The following BCKDHB variants were observed in gnomAD, a reference collection of about 807,000 sequenced individuals.
The protein encoded by BCKDHB is 2-oxoisovalerate dehydrogenase subunit beta, mitochondrial.
Under a neutral mutation model 48.5 loss-of-function variants are expected in BCKDHB, and 41 were observed. The observed-to-expected ratio is 0.85, with a 90% CI of 0.66 to 1.10. The LOEUF is 1.10. Ranked by LOEUF, BCKDHB falls within the 50% of genes least tolerant of loss-of-function variation. The pLI, the probability that BCKDHB is intolerant of heterozygous loss-of-function variation, is 0.00. For missense variants in BCKDHB, 496 were observed against 494.2 expected (o/e 1.00, Z -0.03); for synonymous variants, 201 against 174.8 (o/e 1.15, Z -1.18).
At chr6:80,361,932 G>C in the BCKDHB span, among the ~76,000 whole-genome samples, 1 of 152,114 alleles carries the variant, frequency 6.6e-6, no homozygotes, top group Non-Finnish European at 1.5e-5. Flanking sequence ...AGAGAGTAAA[G>C]TCCACATTTT....
intron 7 of BCKDHB, 93 bp downstream of exon 7, chr6:80,201,124 T>C: frequency 9.5e-7 from 1 of 1,057,716 alleles, no homozygotes; most frequent in Non-Finnish European, 1.5e-6. Flanking sequence ...AAACGATGTT[T>C]TCTTTATATC....
At chr6:80,313,918 TTCC>T (rs1768301417) in intron 9 of BCKDHB, among the ~76,000 whole-genome samples, 3 of 152,290 alleles carry the variant, frequency 2.0e-5, no homozygotes, top group Admixed American at 2.0e-4. Context: ...TGCTATAAAT[TTCC>T]TCCTCAACAC....
At chr6:80,444,543 A>T in the BCKDHB span, among the ~76,000 whole-genome samples, 1 of 152,176 alleles carries the variant, frequency 6.6e-6, no homozygotes, top group African/African-American at 2.4e-5. Flanking sequence ...AGTATTTTCT[A>T]ATAACTCATC....
chr6:80,220,639 T>C (rs1376720599), intron 8 of BCKDHB, among the ~76,000 whole-genome samples: 1 of 151,964 alleles, frequency 6.6e-6, no homozygotes, highest in Non-Finnish European at 1.5e-5. Context: ...TGGGATACTC[T>C]TGATTCTTGG....
intron 8 of BCKDHB, among the ~76,000 whole-genome samples, chr6:80,258,850 C>G (rs1737507059): frequency 3.3e-5 from 5 of 152,142 alleles, no homozygotes; most frequent in African/African-American, 9.6e-5. Flanking sequence ...CACCTTTACA[C>G]TATAACTCTT....
At chr6:80,378,379 C>T in the BCKDHB span, among the ~76,000 whole-genome samples, 13 of 152,084 alleles carry the variant, frequency 8.5e-5, no homozygotes, top group African/African-American at 3.1e-4. Context: ...TAATGGCCTC[C>T]AGCTCCATCT....
chr6:80,375,592 C>A, the BCKDHB span, among the ~76,000 whole-genome samples: 3 of 151,384 alleles, frequency 2.0e-5, no homozygotes, highest in Admixed American at 6.6e-5. Context: ...TTGGACTTAC[C>A]TTTTCTCTGG....
intron 8 of BCKDHB, among the ~76,000 whole-genome samples, chr6:80,205,904 G>A (rs775301738): frequency 6.6e-6 from 1 of 150,892 alleles, no homozygotes; most frequent in Non-Finnish European, 1.5e-5. Context: ...TGTTGACACC[G>A]ATGACCTATA....
chr6:80,107,526 T>TGCAC (rs1402499409), intron 1 of BCKDHB, among the ~76,000 whole-genome samples: 98 of 134,614 alleles, frequency 7.3e-4, no homozygotes, highest in Non-Finnish European at 8.9e-4. Flanking sequence ...TATATATATA[T>TGCAC]ATGCATATAT....
Position 80,149,103 on chromosome 6 carries a change from A to T in BCKDHB, c.344-18575A>T, listed in dbSNP as rs566375619. On this transcript the variant is annotated intron_variant, in intron 3 of 9. Transcript: ENST00000320393. Reference sequence around the variant, plus strand: ...AAGGGCTAATATCCAGAATCTACAAAGAACTCAAACAAATTTACAAGAAAA... The same window carrying T: ...AAGGGCTAATATCCAGAATCTACAATGAACTCAAACAAATTTACAAGAAAA... Among the ~76,000 whole-genome samples, 1,299 of 152,250 alleles carry T rather than the reference A, an allele frequency of 8.5e-3. 8 individuals carry two copies. The highest frequency in any genetic ancestry group is 0.014 in the Non-Finnish European group (963 of 68,006).
the BCKDHB span, among the ~76,000 whole-genome samples, chr6:80,351,978 C>G: frequency 6.6e-6 from 1 of 151,880 alleles, no homozygotes; most frequent in African/African-American, 2.4e-5. Context: ...TGTGCCACCA[C>G]GCCCGACTAA....
intron 9 of BCKDHB, among the ~76,000 whole-genome samples, chr6:80,301,146 A>G (rs1582532671): frequency 6.6e-6 from 1 of 152,078 alleles, no homozygotes; most frequent in South Asian, 2.1e-4. Flanking sequence ...GGAAAAAAAA[A>G]GAACAACCCT....
chr6:80,437,710 T>A, the BCKDHB span, among the ~76,000 whole-genome samples: 1 of 152,238 alleles, frequency 6.6e-6, no homozygotes, highest in East Asian at 1.9e-4. Flanking sequence ...TTTCAGATGA[T>A]AAATCCCACA....
intron 3 of BCKDHB, among the ~76,000 whole-genome samples, chr6:80,159,334 CAG>C (rs1772204780): frequency 1.3e-5 from 2 of 151,994 alleles, no homozygotes; most frequent in South Asian, 4.1e-4. Context: ...TCAACTAGTA[CAG>C]AGACTAGATT....
intron 8 of BCKDHB, among the ~76,000 whole-genome samples, chr6:80,261,626 C>G (rs1377270031): frequency 6.6e-6 from 1 of 152,060 alleles, no homozygotes; most frequent in Non-Finnish European, 1.5e-5. Context: ...GTCTTCATTT[C>G]ACGAGTGTGG....
chr6:80,310,043 T>A (rs141518221), intron 9 of BCKDHB, among the ~76,000 whole-genome samples: 180 of 152,218 alleles, frequency 1.2e-3, no homozygotes, highest in African/African-American at 4.1e-3. Context: ...TTCCTTTTTA[T>A]GACTACATGA....
intron 8 of BCKDHB, among the ~76,000 whole-genome samples, chr6:80,224,964 A>G (rs1346413113): frequency 6.6e-6 from 1 of 152,182 alleles, no homozygotes; most frequent in Non-Finnish European, 1.5e-5. Context: ...GTGCGGTTCT[A>G]GTTGTTACAG....
At chr6:80,405,579 G>A in the BCKDHB span, among the ~76,000 whole-genome samples, 4 of 151,800 alleles carry the variant, frequency 2.6e-5, no homozygotes, top group Non-Finnish European at 4.4e-5. Flanking sequence ...TTCTTTTCTG[G>A]CTATTTTGTA....
chr6:80,321,376 A>G (rs1230171019), intron 9 of BCKDHB, among the ~76,000 whole-genome samples: 2 of 152,312 alleles, frequency 1.3e-5, no homozygotes, highest in African/African-American at 2.4e-5. Flanking sequence ...GTGGAAAACC[A>G]TGTTTCTATA....
Sources: gnomAD v4.1 joint callset for allele counts (sites outside exome capture counted in the v4.1 genomes callset) on GRCh38, gnomAD v4.1.1 for gene constraint, MANE v1.5 for transcripts, NCBI Gene and HGNC (gene_info 2026-07-23, HGNC 2026-07-21) for gene names.